MACROD2: variants seen among roughly 807,000 people sequenced by gnomAD.
MACROD2 encodes ADP-ribose glycohydrolase MACROD2.
In MACROD2, 36 loss-of-function variants were observed where a neutral mutation model predicts 70.4. The observed-to-expected ratio is 0.51, with a 90% CI of 0.39 to 0.68. The LOEUF is 0.68. MACROD2 is among the 30% of genes least tolerant of loss of function. MACROD2 has a pLI of 0.00. For missense variants in MACROD2, 496 were observed against 538.4 expected (o/e 0.92, Z 0.78); for synonymous variants, 172 against 178.8 (o/e 0.96, Z 0.30).
intron 5 of MACROD2, among the ~76,000 whole-genome samples, chr20:15,131,315 C>T (rs1015740502): frequency 6.6e-6 from 1 of 152,094 alleles, no homozygotes; most frequent in Non-Finnish European, 1.5e-5. Flanking sequence ...AACACTAAAA[C>T]ACACCTTTAT....
chr20:15,148,714 C>A (rs2076247961), intron 5 of MACROD2, among the ~76,000 whole-genome samples: 1 of 151,956 alleles, frequency 6.6e-6, no homozygotes, highest in African/African-American at 2.4e-5. Flanking sequence ...ATGGGCCGTA[C>A]CCTGTAGCAT....
intron 3 of MACROD2, among the ~76,000 whole-genome samples, chr20:14,187,640 A>T (rs916214932): frequency 1.3e-5 from 2 of 152,198 alleles, no homozygotes; most frequent in Admixed American, 1.3e-4. Context: ...TAAATATGAC[A>T]TAAAGCAGCT....
At chr20:14,497,994 T>A (rs892234931) in intron 4 of MACROD2, among the ~76,000 whole-genome samples, 1 of 151,698 alleles carries the variant, frequency 6.6e-6, no homozygotes, top group African/African-American at 2.4e-5. Context: ...TTCTGCCCCT[T>A]AGAGTAGGCC....
At chr20:15,706,239 C>T (rs1600785898) in intron 8 of MACROD2, among the ~76,000 whole-genome samples, 1 of 152,164 alleles carries the variant, frequency 6.6e-6, no homozygotes, top group African/African-American at 2.4e-5. Context: ...AATATATGAC[C>T]TCTCCTTTAA....
chr20:15,230,678 G>GA (rs1446445966), intron 6 of MACROD2, among the ~76,000 whole-genome samples: 6 of 152,226 alleles, frequency 3.9e-5, no homozygotes, highest in Admixed American at 2.0e-4. Context: ...AGGGAGTTCA[G>GA]AAAATGTGGA....
chr20:14,944,809 A>C lies in MACROD2; in HGVS notation c.418+259850A>C, dbSNP rs114002514. 5.2e-3 allele frequency among the ~76,000 whole-genome samples: 788 copies of C among 152,218 alleles called. 11 individuals carry two copies. Among genetic ancestry groups the C allele is most frequent in the African/African-American group, 0.018 (748 of 41,540 alleles). ...TGCCCATAAGCCACTGAGAACCACCAGTCTGGTGTTGCTCTAGGATGAGGT... is the reference window on the plus strand; with the variant it reads ...TGCCCATAAGCCACTGAGAACCACCCGTCTGGTGTTGCTCTAGGATGAGGT... On this transcript the variant is annotated intron_variant, in intron 5 of 17. Transcript: ENST00000684519.
intron 15 of MACROD2, among the ~76,000 whole-genome samples, chr20:16,038,591 GA>G (rs2067266128): frequency 6.6e-6 from 1 of 150,452 alleles, no homozygotes. Flanking sequence ...CCAGCTCTCT[GA>G]TAAACTACTT....
At chr20:15,225,450 C>T (rs546762494) in intron 5 of MACROD2, among the ~76,000 whole-genome samples, 51 of 152,242 alleles carry the variant, frequency 3.3e-4, no homozygotes, top group African/African-American at 1.2e-3. Context: ...TGAAAAGTTT[C>T]CTCCCCATAT....
intron 6 of MACROD2, among the ~76,000 whole-genome samples, chr20:15,320,193 A>G (rs2077859151): frequency 6.6e-6 from 1 of 152,038 alleles, no homozygotes; most frequent in Admixed American, 6.5e-5. Context: ...ACAGGGCAAG[A>G]CTCCATCTCA....
At chr20:14,890,679 G>A (rs948209611) in intron 5 of MACROD2, among the ~76,000 whole-genome samples, 2 of 151,166 alleles carry the variant, frequency 1.3e-5, no homozygotes, top group Admixed American at 6.6e-5. Context: ...GGAGGATTAC[G>A]TGAGCCCAGA....
intron 5 of MACROD2, among the ~76,000 whole-genome samples, chr20:14,972,122 G>A (rs1047417686): frequency 6.6e-6 from 1 of 152,248 alleles, no homozygotes; most frequent in African/African-American, 2.4e-5. Context: ...TTTGCCTGCT[G>A]TAAACATGCC....
At chr20:14,034,069 TCACGC>T (rs2053278328) in intron 2 of MACROD2, among the ~76,000 whole-genome samples, 1 of 152,150 alleles carries the variant, frequency 6.6e-6, no homozygotes, top group South Asian at 2.1e-4. Flanking sequence ...CCTCCAGGGT[TCACGC>T]CATTCTCCTG....
At chr20:14,993,942 A>G (rs2074927793) in intron 5 of MACROD2, among the ~76,000 whole-genome samples, 1 of 152,164 alleles carries the variant, frequency 6.6e-6, no homozygotes, top group African/African-American at 2.4e-5. Flanking sequence ...TTAAAATATG[A>G]TTTAATTTTC....
intron 8 of MACROD2, among the ~76,000 whole-genome samples, chr20:15,673,536 T>C (rs1318723699): frequency 6.6e-6 from 1 of 152,204 alleles, no homozygotes; most frequent in Non-Finnish European, 1.5e-5. Context: ...TAAAAAATTT[T>C]AAAAGCTTGC....
At chr20:15,830,064 G>A (rs1033612142) in intron 8 of MACROD2, among the ~76,000 whole-genome samples, 1 of 152,198 alleles carries the variant, frequency 6.6e-6, no homozygotes, top group African/African-American at 2.4e-5. Context: ...GAGGAAAGGT[G>A]CCAGACAATT....
At chr20:14,285,943 G>T (rs2082340178) in intron 3 of MACROD2, among the ~76,000 whole-genome samples, 1 of 149,988 alleles carries the variant, frequency 6.7e-6, no homozygotes, top group Non-Finnish European at 1.5e-5. Flanking sequence ...TTATTATCTT[G>T]TCACTGATGT....
chr20:15,285,276 TAAGTGA>T (rs2146095777), intron 6 of MACROD2, among the ~76,000 whole-genome samples: 1 of 152,326 alleles, frequency 6.6e-6, no homozygotes, highest in Admixed American at 6.5e-5. Context: ...AATAGAAATG[TAAGTGA>T]AGTTTGTCTG....
chr20:15,662,927 T>A (rs2049842162), intron 8 of MACROD2, among the ~76,000 whole-genome samples: 1 of 152,226 alleles, frequency 6.6e-6, no homozygotes, highest in Non-Finnish European at 1.5e-5. Flanking sequence ...GTAATTCTTT[T>A]ATACAAGTGA....
At chr20:14,788,763 G>GTT (rs1195877119) in intron 5 of MACROD2, among the ~76,000 whole-genome samples, 6,610 of 79,420 alleles carry the variant, frequency 0.083, 714 homozygotes, top group Middle Eastern at 0.17. Context: ...TAGTGGTGGT[G>GTT]TTTTTTTTTT....
Sources: gnomAD v4.1 joint callset for allele counts (sites outside exome capture counted in the v4.1 genomes callset) on GRCh38, gnomAD v4.1.1 for gene constraint, MANE v1.5 for transcripts, NCBI Gene and HGNC (gene_info 2026-07-23, HGNC 2026-07-21) for gene names.